Variants in OR9Q1 observed in about 807,000 individuals in gnomAD.
OR9Q1 encodes the protein olfactory receptor family 9 subfamily Q member 1.
For synonymous variants in OR9Q1, 153 were observed against 148.6 expected (o/e 1.03, Z -0.22); for missense variants, 374 against 378.8 (o/e 0.99, Z 0.11).
intron 2 of OR9Q1, among the ~76,000 whole-genome samples, chr11:58,177,054 A>AT (rs1160391899): frequency 3.9e-5 from 6 of 152,094 alleles, no homozygotes; most frequent in Admixed American, 1.3e-4. Context: ...TTTAATTATC[A>AT]TTTTTTTCCC....
Position 58,085,797 on chromosome 11 carries a change from A to T in OR9Q1, c.-15+29850A>T, listed in dbSNP as rs537329042. 3.9e-5 allele frequency among the ~76,000 whole-genome samples: 6 copies of T among 151,978 alleles called. No homozygotes were observed. In the East Asian group the frequency reaches 1.2e-3, roughly 29 times the overall value. The stretch of plus-strand genomic sequence containing the variant: ...AAAATGTCATTGACATTGGGATGAC[A>T]TCAGTAAGATGGAAGAATGGATGGT... On this transcript the variant is annotated intron_variant, in intron 2 of 2. Transcript: ENST00000335397.
At chr11:58,131,330 G>A (rs1216348802) in intron 2 of OR9Q1, among the ~76,000 whole-genome samples, 1 of 152,130 alleles carries the variant, frequency 6.6e-6, no homozygotes, top group African/African-American at 2.4e-5. Context: ...GGCTGTTAGT[G>A]TTAGACACAG....
chr11:58,053,631 T>TTATATATATATAAA (rs1554965499), intron 1 of OR9Q1, among the ~76,000 whole-genome samples: 3,245 of 29,324 alleles, frequency 0.11, 67 homozygotes, highest in East Asian at 0.44. Context: ...ATATATAAAA[T>TTATATATATATAAA]ATATATATAT....
chr11:58,040,955 G>A (rs1380137001), intron 1 of OR9Q1: 2 of 152,256 alleles, frequency 1.3e-5, no homozygotes, highest in Non-Finnish European at 2.9e-5. Flanking sequence ...CATGTGGGCA[G>A]GTATGAAGGA....
intron 2 of OR9Q1, among the ~76,000 whole-genome samples, chr11:58,116,336 T>C (rs556243360): frequency 1.1e-4 from 16 of 152,328 alleles, no homozygotes; most frequent in Non-Finnish European, 2.4e-4. Flanking sequence ...CATATCCTAG[T>C]GTGCATGGGC....
intron 1 of OR9Q1, among the ~76,000 whole-genome samples, chr11:58,037,665 ATATATATATATATATATATATAT>A (rs1444987232): frequency 5.6e-4 from 3 of 5,392 alleles, no homozygotes; most frequent in Non-Finnish European, 1.8e-3. Flanking sequence ...ATATATATAT[ATATATATATATATATATATATAT>A]ATTTTTTTTT....
At chr11:58,060,172 C>T (rs1853366841) in intron 2 of OR9Q1, 1 of 152,352 alleles carries the variant, frequency 6.6e-6, no homozygotes, top group Non-Finnish European at 1.5e-5. Flanking sequence ...CCGACTGTGG[C>T]TGTCCTTCAG....
In OR9Q1 at chr11:58,146,095, C is replaced by T. The variant is rs193129995; in HGVS notation, c.-14-33336C>T. On this transcript the variant is annotated intron_variant, in intron 2 of 2. Coordinates refer to ENST00000335397, the MANE Select transcript of OR9Q1 (RefSeq NM_001005212.4). ...AATGATTTGCATTAATTATTGGAAACAATTTGATCTTGATGTAGGGCTGAA... is the reference window on the plus strand; with the variant it reads ...AATGATTTGCATTAATTATTGGAAATAATTTGATCTTGATGTAGGGCTGAA... Among the ~76,000 whole-genome samples, 20 of 152,288 alleles carry T rather than the reference C, an allele frequency of 1.3e-4. No individual in the cohort carries two copies. The East Asian group carries it at 3.9e-3, about 29-fold the overall frequency.
chr11:58,054,523 G>A (rs1336179710), intron 1 of OR9Q1, among the ~76,000 whole-genome samples: 1 of 152,156 alleles, frequency 6.6e-6, no homozygotes, highest in African/African-American at 2.4e-5. Context: ...CTTGAGGCAA[G>A]CACACATTTT....
In OR9Q1 at chr11:58,180,099, C is replaced by G. The variant is rs183256582; in HGVS notation, c.655C>G (p.Leu219Val). 6.2e-7 allele frequency: 1 copy of G among 1,614,022 alleles called. No individual in the cohort carries two copies. Among genetic ancestry groups the G allele is most frequent in the East Asian group, 2.2e-5 (1 of 44,870 alleles). Residue 219 changes from leucine (L) to valine (V), a missense_variant, in exon 3 of 3, where the codon CTG becomes GTG. Physicochemically the swap from Leu to Val is conservative, Grantham distance 32. Coordinates refer to ENST00000335397, the MANE Select transcript of OR9Q1 (RefSeq NM_001005212.4). ...ASMVVILVSY[L>V]FIIVAIMGIP... ...CATGGTGGTGATCTTGGTGTCCTACCTGTTTATCATCGTGGCCATCATGGG... is the reference window on the plus strand; with the variant it reads ...CATGGTGGTGATCTTGGTGTCCTACGTGTTTATCATCGTGGCCATCATGGG...
At chr11:58,154,224 A>G (rs1278060490) in intron 2 of OR9Q1, among the ~76,000 whole-genome samples, 1 of 151,574 alleles carries the variant, frequency 6.6e-6, no homozygotes, top group African/African-American at 2.4e-5. Context: ...AAGGAAAGCA[A>G]CTTTGAACTG....
chr11:58,087,899 T>A (rs1216881342), intron 2 of OR9Q1, among the ~76,000 whole-genome samples: 2 of 151,938 alleles, frequency 1.3e-5, no homozygotes, highest in East Asian at 3.9e-4. Context: ...AGTCATTCTT[T>A]ATTTTTTGAG....
intron 1 of OR9Q1, chr11:58,045,111 A>G (rs1853203344): frequency 6.6e-6 from 1 of 152,246 alleles, no homozygotes; most frequent in Non-Finnish European, 1.5e-5. Context: ...TCCTATCCCC[A>G]AGATATTTCC....
intron 2 of OR9Q1, among the ~76,000 whole-genome samples, chr11:58,157,919 T>G (rs575050309): frequency 3.3e-5 from 5 of 152,232 alleles, no homozygotes; most frequent in Admixed American, 6.5e-5. Context: ...TAGGCTTCAC[T>G]CCTTATTTGA....
At chr11:58,135,660 C>A (rs1033342293) in intron 2 of OR9Q1, among the ~76,000 whole-genome samples, 1 of 152,184 alleles carries the variant, frequency 6.6e-6, no homozygotes, top group African/African-American at 2.4e-5. Context: ...AGACTTTATA[C>A]ATCTTTGTTG....
intron 2 of OR9Q1, among the ~76,000 whole-genome samples, chr11:58,098,919 A>AT (rs1853757510): frequency 6.6e-6 from 1 of 152,024 alleles, no homozygotes; most frequent in Admixed American, 6.6e-5. Flanking sequence ...ATTTTAAAGT[A>AT]TTTTCCTATT....
chr11:58,036,002 G>A (rs1853097417), intron 1 of OR9Q1, among the ~76,000 whole-genome samples: 1 of 146,560 alleles, frequency 6.8e-6, no homozygotes, highest in Non-Finnish European at 1.5e-5. Context: ...AAGTCTATTA[G>A]TGCCATTTTT....
chr11:58,142,405 T>C (rs1854258971), intron 2 of OR9Q1, among the ~76,000 whole-genome samples: 1 of 152,102 alleles, frequency 6.6e-6, no homozygotes, highest in Non-Finnish European at 1.5e-5. Context: ...TTACAGGAAC[T>C]CCTTTTAAGA....
intron 2 of OR9Q1, chr11:58,118,603 A>G (rs748788192): frequency 6.8e-6 from 11 of 1,614,030 alleles, no homozygotes; most frequent in Non-Finnish European, 9.3e-6. Context: ...CATGGGGATG[A>G]CCACTGTATA....
Sources: allele counts gnomAD v4.1 joint callset (sites outside exome capture counted in the v4.1 genomes callset), GRCh38; gene constraint gnomAD v4.1.1; transcripts MANE v1.5; gene names NCBI Gene and HGNC (gene_info 2026-07-23, HGNC 2026-07-21).